Variants in TRIM2 observed in about 807,000 individuals in gnomAD.
The protein encoded by TRIM2 is tripartite motif-containing protein 2.
A neutral mutation model predicts 75.2 loss-of-function variants in TRIM2; 20 were observed. That is an observed-to-expected ratio of 0.27 (90% CI 0.19 to 0.39). The LOEUF (loss-of-function observed/expected upper bound fraction) is 0.39. TRIM2 is among the 10% of genes least tolerant of loss of function. The probability of loss-of-function intolerance (pLI) is 1.00; values close to 1 mark genes in which losing one functional copy is unlikely to be tolerated. For synonymous variants in TRIM2, 373 were observed against 388.3 expected (o/e 0.96, Z 0.46); for missense variants, 660 against 990.8 (o/e 0.67, Z 4.48).
intron 1 of TRIM2, among the ~76,000 whole-genome samples, chr4:153,237,675 G>A (rs973657958): frequency 6.7e-6 from 1 of 150,220 alleles, no homozygotes. Context: ...GCGAGACTCC[G>A]ACTCAAAAAA....
intron 3 of TRIM2, among the ~76,000 whole-genome samples, chr4:153,282,673 C>T (rs1759607761): frequency 6.6e-6 from 1 of 152,122 alleles, no homozygotes; most frequent in South Asian, 2.1e-4. Context: ...TCTCAAATTC[C>T]TGGGCTTAAG....
At chr4:153,176,402 C>G (rs1677406442) in intron 1 of TRIM2, among the ~76,000 whole-genome samples, 2 of 151,500 alleles carry the variant, frequency 1.3e-5, no homozygotes, top group South Asian at 4.2e-4. Context: ...GCAGTGAGCT[C>G]TGGTTAAACT....
chr4:153,172,336 C>T (rs1031758006), intron 1 of TRIM2, among the ~76,000 whole-genome samples: 2 of 152,030 alleles, frequency 1.3e-5, no homozygotes, highest in Non-Finnish European at 2.9e-5. Context: ...TACAGGCGCC[C>T]GCCACCGCGC....
rs535070612 is a variant in TRIM2, at chr4:153,300,199, C to T, written c.1510+4163C>T. Among the ~76,000 whole-genome samples the T allele has an allele frequency of 1.2e-4, 19 of 152,280 alleles. No homozygotes were observed. In the South Asian group the frequency reaches 3.9e-3, roughly 32 times the overall value. ...TAATGGCTGTACTAATTTACATTCC[C>T]ACCAACCTGTGCCAGGGTTCACTGT... On this transcript the variant is annotated intron_variant, in intron 6 of 11. Transcript: ENST00000338700.
chr4:153,298,722 T>A (rs779389153), intron 6 of TRIM2, among the ~76,000 whole-genome samples: 1 of 152,124 alleles, frequency 6.6e-6, no homozygotes, highest in Non-Finnish European at 1.5e-5. Flanking sequence ...AACTTTCAAG[T>A]GTATATAATA....
At chr4:153,184,355 A>G (rs1204988583) in intron 1 of TRIM2, among the ~76,000 whole-genome samples, 1 of 152,112 alleles carries the variant, frequency 6.6e-6, no homozygotes, top group Non-Finnish European at 1.5e-5. Context: ...GTGGAGAGAG[A>G]GAGAACACAT....
At chr4:153,244,981 C>G (rs1252131896) in intron 1 of TRIM2, among the ~76,000 whole-genome samples, 1 of 152,184 alleles carries the variant, frequency 6.6e-6, no homozygotes, top group African/African-American at 2.4e-5. Context: ...CAGCTTTCTT[C>G]ATTCATCACA....
rs538180974 is a variant in TRIM2, at chr4:153,258,145, A to G, written c.31-12190A>G. 2.6e-5 allele frequency among the ~76,000 whole-genome samples: 4 copies of G among 152,200 alleles called. No homozygotes were observed. In the South Asian group the frequency reaches 8.3e-4, roughly 32 times the overall value. On this transcript the variant is annotated intron_variant, in intron 1 of 11. Coordinates refer to ENST00000338700, the MANE Select transcript of TRIM2 (RefSeq NM_015271.5). ...CCTCGCTGCCCCAGGGTAGAGGAGA[A>G]CGTGCGACCCTCCCCCCACTCTGTC...
Position 153,194,374 on chromosome 4 carries a change from C to T in TRIM2, c.-49+41104C>T, listed in dbSNP as rs563911147. Among the ~76,000 whole-genome samples, 15 of 152,140 alleles carry T rather than the reference C, an allele frequency of 9.9e-5. No individual in the cohort carries two copies. In the South Asian group the frequency reaches 2.1e-3, roughly 21 times the overall value. On this transcript the variant is annotated intron_variant, in intron 1 of 11. Coordinates refer to the TRIM2 transcript ENST00000437508. ...AACAACATTTTGGTTTCTTTCATTC[C>T]ACTTAATCAAAATGAAATCATTTTC...
intron 8 of TRIM2, among the ~76,000 whole-genome samples, chr4:153,321,647 A>C (rs1430400583): frequency 3.3e-5 from 5 of 152,162 alleles, no homozygotes; most frequent in Non-Finnish European, 7.3e-5. Context: ...TGCACCAAGA[A>C]GTGTGTTGCC....
chr4:153,295,926 C>T lies in TRIM2; in HGVS notation c.1400C>T (p.Ser467Phe), dbSNP rs1762673469. The T allele has an allele frequency of 6.2e-7, 1 of 1,601,798 alleles. No homozygotes were observed. Among genetic ancestry groups the T allele is most frequent in the Non-Finnish European group, 8.5e-7 (1 of 1,174,364 alleles). ...TTEGVKRRVK[S>F]PGSGHVKQKA... ...GAAGGCGTGAAGAGGCGCGTTAAGTCCCCGGGGAGCGGCCACGTCAAGCAG... is the reference window on the plus strand; with the variant it reads ...GAAGGCGTGAAGAGGCGCGTTAAGTTCCCGGGGAGCGGCCACGTCAAGCAG... The change falls in exon 6 of 12, where the codon TCC becomes TTC. Residue 467 changes from serine to phenylalanine, a missense_variant. Coordinates refer to ENST00000338700, the MANE Select transcript of TRIM2 (RefSeq NM_015271.5). The surrounding 1 kb of genome is among the most constrained non-coding windows in gnomAD (Gnocchi z 7.2).
chr4:153,275,873 C>T lies in TRIM2; in HGVS notation c.216-20C>T. Reference sequence around the variant, plus strand: ...AGGTTCTGCACTGTGCTAAGCTCTCCACCTCTGCTTCTGCAACAGGTGCCT... The same window carrying T: ...AGGTTCTGCACTGTGCTAAGCTCTCTACCTCTGCTTCTGCAACAGGTGCCT... On this transcript the variant is annotated intron_variant, in intron 2 of 11. Coordinates refer to ENST00000338700, the MANE Select transcript of TRIM2 (RefSeq NM_015271.5). 1.9e-6 allele frequency: 3 copies of T among 1,609,710 alleles called. No individual in the cohort carries two copies. Among genetic ancestry groups the T allele is most frequent in the Non-Finnish European group, 2.6e-6 (3 of 1,176,408 alleles).
In TRIM2 at chr4:153,308,703, G is replaced by A. The variant is rs200792996; in HGVS notation, c.1511-6782G>A. 3.9e-5 allele frequency: 22 copies of A among 557,932 alleles called. No individual in the cohort carries two copies. The East Asian group carries it at 9.5e-4, about 24-fold the overall frequency. 34.6% of individuals were successfully genotyped at this position (557,932 alleles called of 1,614,324 possible). A position where few individuals can be genotyped will look rare whatever the true frequency, so the allele number is the denominator to read the frequency against. On this transcript the variant is annotated intron_variant, in intron 6 of 11. Transcript: ENST00000338700. ...CTTTGACTGACCCAAATGCACTTGG[G>A]AGTGTAGAGTGTTCACCCTCCAAGC...
At position 153,338,734 on chromosome 4, in the gene TRIM2, G is replaced by T. The variant is rs554912691; in HGVS notation, c.*3768G>T. The T allele has an allele frequency of 1.9e-5, 19 of 985,710 alleles. No individual in the cohort carries two copies. In the African/African-American group the frequency reaches 3.3e-4, roughly 17 times the overall value. 61.1% of individuals were successfully genotyped at this position (985,710 alleles called of 1,614,324 possible). On this transcript the variant is annotated 3_prime_UTR_variant, in exon 12 of 12. Transcript: ENST00000338700. ...GTCTGTTTGTGGAGAATGTATGAAA[G>T]CTATTAATATTCTAGAATAGATTAA...
At chr4:153,228,994 G>T (rs1742899987) in intron 1 of TRIM2, among the ~76,000 whole-genome samples, 2 of 152,142 alleles carry the variant, frequency 1.3e-5, no homozygotes, top group South Asian at 4.1e-4. Flanking sequence ...AACAGGAAAA[G>T]ATCTGGGAGC....
intron 8 of TRIM2, among the ~76,000 whole-genome samples, chr4:153,316,899 G>A (rs1469376675): frequency 4.8e-4 from 1 of 2,100 alleles, no homozygotes. Flanking sequence ...TTTTTTTTTT[G>A]AGACGGAGTC....
In TRIM2 at chr4:153,168,682, GA is replaced by G. The variant is rs34522428; in HGVS notation, c.-49+15426del. Among the ~76,000 whole-genome samples the G allele has an allele frequency of 3.8e-3, 492 of 129,376 alleles. 3 individuals carry two copies. Among genetic ancestry groups the G allele is most frequent in the African/African-American group, 0.01 (354 of 33,908 alleles). 84.9% of individuals were successfully genotyped at this position (129,376 alleles called of 152,430 possible). On this transcript the variant is annotated intron_variant, in intron 1 of 11. Transcript: ENST00000437508. ...AAGGGAGTGTCAAAGAAGTTTTTCT[GA>G]AAAAAAAAAAAAATCAAAGAAAATC...
Position 153,338,450 on chromosome 4 carries a change from T to C in TRIM2, c.*3484T>C, listed in dbSNP as rs1348230462. The C allele has an allele frequency of 1.0e-6, 1 of 985,694 alleles. No homozygotes were observed. The highest frequency in any genetic ancestry group is 1.2e-6 in the Non-Finnish European group (1 of 829,886). The allele number at this position is 985,694 out of a possible 1,614,324, so 61.1% of individuals were successfully genotyped here. Reference sequence around the variant, plus strand: ...GTAGGAAAAAATGAAAGCTATTTCATGCAAACATTATCTAATTTAGCTTAA... The same window carrying C: ...GTAGGAAAAAATGAAAGCTATTTCACGCAAACATTATCTAATTTAGCTTAA... On this transcript the variant is annotated 3_prime_UTR_variant, in exon 12 of 12. Coordinates refer to ENST00000338700, the MANE Select transcript of TRIM2 (RefSeq NM_015271.5).
intron 2 of TRIM2, among the ~76,000 whole-genome samples, chr4:153,272,829 TTTTGTTTGTTTG>T: frequency 6.6e-6 from 1 of 151,570 alleles, no homozygotes; most frequent in South Asian, 2.1e-4. Flanking sequence ...AAATGGGGTT[TTTTGTTTGTTTG>T]TTTGTTTGTT....
Sources: allele counts gnomAD v4.1 joint callset (sites outside exome capture counted in the v4.1 genomes callset), GRCh38; gene constraint gnomAD v4.1.1; non-coding constraint Gnocchi (gnomAD v3.1); transcripts MANE v1.5; gene names NCBI Gene and HGNC (gene_info 2026-07-23, HGNC 2026-07-21).